PDXDC1: variants seen among roughly 807,000 people sequenced by gnomAD.
The protein encoded by PDXDC1 is pyridoxal-dependent decarboxylase domain-containing protein 1.
A neutral mutation model predicts 100.1 loss-of-function variants in PDXDC1; 42 were observed. That is an observed-to-expected ratio of 0.42 (90% CI 0.33 to 0.54). The LOEUF is 0.54. PDXDC1 is among the 20% of genes least tolerant of loss of function. PDXDC1 has a pLI of 0.10. For synonymous variants in PDXDC1, 260 were observed against 371.7 expected, an observed-to-expected ratio of 0.70 and a Z score of 3.46; for missense variants, 636 against 979.2, an observed-to-expected ratio of 0.65 and a Z score of 4.68.
chr16:15,147,865 T>C, the PDXDC1 span, among the ~76,000 whole-genome samples: 53 of 152,116 alleles, frequency 3.5e-4, no homozygotes, highest in African/African-American at 1.2e-3. Flanking sequence ...ATTTTTGTAT[T>C]TTTAGTAGAA....
Position 15,110,997 on chromosome 16 carries a change from T to G in PDXDC1, c.1400-27882T>G, listed in dbSNP as rs371552973. ...TACAAAAATTAGCCGGGCATGGCAG[T>G]GGGCGCCTGTAATCCGAGCTACTCG... On this transcript the variant is annotated intron_variant, in intron 16 of 16. Transcript: ENST00000535621. 1.7e-3 allele frequency among the ~76,000 whole-genome samples: 250 copies of G among 147,828 alleles called. 6 individuals are homozygous for G. The East Asian group carries it at 0.046, about 27-fold the overall frequency.
At chr16:15,043,905 G>C (rs1266144560) in intron 16 of PDXDC1, among the ~76,000 whole-genome samples, 1 of 151,998 alleles carries the variant, frequency 6.6e-6, no homozygotes, top group Non-Finnish European at 1.5e-5. Flanking sequence ...CCGAGATCAT[G>C]CTACTGCACT....
At chr16:15,024,050 T>A (rs929848909) in intron 13 of PDXDC1, among the ~76,000 whole-genome samples, 1 of 152,284 alleles carries the variant, frequency 6.6e-6, no homozygotes, top group African/African-American at 2.4e-5. Context: ...TCCTCAGTCA[T>A]CGCTGCTCCC....
At chr16:15,046,277 C>T (rs143712165) in intron 16 of PDXDC1, among the ~76,000 whole-genome samples, 43 of 152,308 alleles carry the variant, frequency 2.8e-4, no homozygotes, top group African/African-American at 9.6e-4. Flanking sequence ...TTTTTAGACT[C>T]CTAGGATTAA....
At chr16:15,125,971 C>T in intron 16 of PDXDC1, 2 of 602,336 alleles carry the variant, frequency 3.3e-6, no homozygotes, top group Non-Finnish European at 6.0e-6. Flanking sequence ...ATGGCAGCCC[C>T]TCGCGACGTG....
At chr16:15,055,224 C>A (rs955911375) in intron 16 of PDXDC1, among the ~76,000 whole-genome samples, 2 of 152,216 alleles carry the variant, frequency 1.3e-5, no homozygotes, top group African/African-American at 4.8e-5. Flanking sequence ...CCAACAGTCC[C>A]TGCATAAGCG....
At chr16:15,132,279 T>G (rs1416615845) in intron 16 of PDXDC1, among the ~76,000 whole-genome samples, 5 of 10,108 alleles carry the variant, frequency 4.9e-4, no homozygotes, top group African/African-American at 8.0e-4. Context: ...CGGGAGGAAG[T>G]GAGGGGAAGG....
At chr16:15,101,658 G>C (rs1268432971) in intron 16 of PDXDC1, among the ~76,000 whole-genome samples, 1 of 148,980 alleles carries the variant, frequency 6.7e-6, no homozygotes, top group African/African-American at 2.5e-5. Flanking sequence ...AACCTGGGAG[G>C]TGGAGGTTGC....
chr16:15,031,307 C>T (rs572310025), intron 16 of PDXDC1, among the ~76,000 whole-genome samples: 3 of 152,086 alleles, frequency 2.0e-5, no homozygotes, highest in South Asian at 2.1e-4. Context: ...CCCTGAGGCC[C>T]GGCGCTGTCA....
chr16:15,002,322 C>G (rs1159122219), intron 4 of PDXDC1, among the ~76,000 whole-genome samples: 2 of 152,306 alleles, frequency 1.3e-5, no homozygotes, highest in Non-Finnish European at 2.9e-5. Context: ...ACCATGTTTT[C>G]TTCTCTAGAG....
At chr16:15,129,251 C>T (rs1420906191) in intron 16 of PDXDC1, among the ~76,000 whole-genome samples, 1 of 151,272 alleles carries the variant, frequency 6.6e-6, no homozygotes, top group Non-Finnish European at 1.5e-5. Flanking sequence ...GGCGGATCAC[C>T]TGAGGTCAGG....
At chr16:15,080,258 G>A (rs1197897041) in intron 16 of PDXDC1, among the ~76,000 whole-genome samples, 1 of 152,118 alleles carries the variant, frequency 6.6e-6, no homozygotes, top group Non-Finnish European at 1.5e-5. Context: ...CATGTATTAT[G>A]TTCGGTATAA....
intron 16 of PDXDC1, chr16:15,071,084 T>C (rs758623290): frequency 9.9e-5 from 154 of 1,554,740 alleles, no homozygotes; most frequent in East Asian, 2.0e-4. Flanking sequence ...TTTTAAAGCA[T>C]GATATTAAAA....
At chr16:15,030,764 G>A (rs1189656408) in intron 16 of PDXDC1, among the ~76,000 whole-genome samples, 2 of 151,140 alleles carry the variant, frequency 1.3e-5, no homozygotes, top group South Asian at 4.2e-4. Context: ...TGCATTTTTT[G>A]TAGAAATGGG....
At chr16:15,088,715 T>C (rs1359072418) in intron 16 of PDXDC1, among the ~76,000 whole-genome samples, 1 of 152,160 alleles carries the variant, frequency 6.6e-6, no homozygotes, top group Non-Finnish European at 1.5e-5. Context: ...AGGAAAAGTA[T>C]GTTTTCAGAA....
intron 15 of PDXDC1, 132 bp downstream of exon 15, chr16:15,029,098 C>G: frequency 9.4e-7 from 1 of 1,062,412 alleles, no homozygotes; most frequent in Non-Finnish European, 1.4e-6. Context: ...AGTGCTGGGC[C>G]TGCTCTGGAG....
At chr16:15,069,294 C>G (rs977454423) in intron 16 of PDXDC1, among the ~76,000 whole-genome samples, 16 of 152,210 alleles carry the variant, frequency 1.1e-4, no homozygotes, top group African/African-American at 3.6e-4. Flanking sequence ...CAGAGGACAG[C>G]CCCCGACGAT....
chr16:15,020,093 CAG>C (rs1223066146), intron 12 of PDXDC1, among the ~76,000 whole-genome samples: 1 of 115,302 alleles, frequency 8.7e-6, no homozygotes, highest in Non-Finnish European at 1.6e-5. Flanking sequence ...GCCTGGGTGA[CAG>C]AGCGAGGCTC....
chr16:15,053,681 C>T (rs1220572538), intron 16 of PDXDC1, among the ~76,000 whole-genome samples: 3 of 151,992 alleles, frequency 2.0e-5, no homozygotes, highest in Non-Finnish European at 2.9e-5. Context: ...GAGGCCGAGA[C>T]GGGCAGATCA....
Sources: allele counts gnomAD v4.1 joint callset (sites outside exome capture counted in the v4.1 genomes callset), GRCh38; gene constraint gnomAD v4.1.1; transcripts MANE v1.5; gene names NCBI Gene and HGNC (gene_info 2026-07-23, HGNC 2026-07-21).